The following MEMO1 variants were observed in gnomAD, a reference collection of about 807,000 sequenced individuals.
MEMO1 encodes the protein mediator of cell motility 1.
A neutral mutation model predicts 45.2 loss-of-function variants in MEMO1; 6 were observed. The observed-to-expected ratio is 0.13, with a 90% CI of 0.07 to 0.26. The LOEUF (loss-of-function observed/expected upper bound fraction) is 0.26. MEMO1 is among the 10% of genes least tolerant of loss of function. The pLI is 1.00. For synonymous variants in MEMO1, 78 were observed against 124.3 expected, an observed-to-expected ratio of 0.63 and a Z score of 2.48; for missense variants, 184 against 370.5, an observed-to-expected ratio of 0.50 and a Z score of 4.13.
At chr2:31,929,020 C>T in intron 4 of MEMO1, among the ~76,000 whole-genome samples, 1 of 151,992 alleles carries the variant, frequency 6.6e-6, no homozygotes, top group Non-Finnish European at 1.5e-5. Context: ...AAATTGCTTT[C>T]CTAAAGTATT....
intron 2 of MEMO1, among the ~76,000 whole-genome samples, chr2:31,949,516 T>C (rs1414248546): frequency 1.3e-5 from 2 of 151,878 alleles, no homozygotes; most frequent in Non-Finnish European, 2.9e-5. Context: ...AAACAATGCA[T>C]GTTCTCATTT....
intron 2 of MEMO1, among the ~76,000 whole-genome samples, chr2:32,006,145 G>A (rs1037970367): frequency 6.6e-6 from 1 of 152,210 alleles, no homozygotes; most frequent in African/African-American, 2.4e-5. Context: ...AAGATGGCAA[G>A]TTATGAGGGG....
chr2:31,985,474 C>T (rs758971817), intron 2 of MEMO1, among the ~76,000 whole-genome samples: 2 of 152,052 alleles, frequency 1.3e-5, no homozygotes, highest in South Asian at 2.1e-4. Context: ...TACAGGCGAG[C>T]GCCACCATGC....
At chr2:31,943,499 AG>A in intron 2 of MEMO1, 116 bp from the exon 3 acceptor site, 1 of 754,374 alleles carries the variant, frequency 1.3e-6, no homozygotes, top group Non-Finnish European at 2.4e-6. Context: ...AATGCGCAAT[AG>A]GATCATCAGT....
At chr2:31,982,329 T>C (rs1278694159) in intron 2 of MEMO1, among the ~76,000 whole-genome samples, 3 of 150,044 alleles carry the variant, frequency 2.0e-5, no homozygotes, top group Non-Finnish European at 4.4e-5. Context: ...CGGTGGCTCA[T>C]GCCTGTAATC....
intron 3 of MEMO1, among the ~76,000 whole-genome samples, chr2:31,941,641 G>GT (rs1665630097): frequency 6.6e-6 from 1 of 152,206 alleles, no homozygotes; most frequent in African/African-American, 2.4e-5. Flanking sequence ...GTCATTTGCT[G>GT]TAAGTTTTAT....
At chr2:31,982,151 G>C (rs1176778749) in intron 2 of MEMO1, among the ~76,000 whole-genome samples, 1 of 151,952 alleles carries the variant, frequency 6.6e-6, no homozygotes, top group African/African-American at 2.4e-5. Context: ...ACAAAAATTA[G>C]CTGGGCTTGG....
At chr2:31,912,110 G>C (rs1339429918) in intron 6 of MEMO1, among the ~76,000 whole-genome samples, 1 of 152,098 alleles carries the variant, frequency 6.6e-6, no homozygotes, top group Non-Finnish European at 1.5e-5. Context: ...GAGGGCGGGT[G>C]GATCACTTGA....
chr2:31,882,848 A>C (rs1167532500), intron 8 of MEMO1, among the ~76,000 whole-genome samples: 2 of 152,154 alleles, frequency 1.3e-5, no homozygotes, highest in African/African-American at 4.8e-5. Flanking sequence ...CCTCCAACAG[A>C]ATACAGATTT....
chr2:31,955,016 G>A (rs930164600), intron 2 of MEMO1, among the ~76,000 whole-genome samples: 10 of 151,838 alleles, frequency 6.6e-5, no homozygotes, highest in Non-Finnish European at 1.3e-4. Context: ...CAAAGAGGGA[G>A]GATCACTTGA....
At chr2:31,874,919 A>ATG (rs55829227) in intron 8 of MEMO1, among the ~76,000 whole-genome samples, 1 of 69,418 alleles carries the variant, frequency 1.4e-5, no homozygotes, top group Admixed American at 1.6e-4. Flanking sequence ...GCAAGTGTAC[A>ATG]TATATATATA....
intron 7 of MEMO1, 63 bp from the exon 8 acceptor site, chr2:31,883,525 G>T: frequency 8.3e-7 from 1 of 1,198,984 alleles, no homozygotes; most frequent in Non-Finnish European, 1.2e-6. Context: ...AAGAAAGCAA[G>T]CGCTTACCAA....
chr2:31,982,844 T>C (rs756346192), intron 2 of MEMO1, among the ~76,000 whole-genome samples: 24 of 151,778 alleles, frequency 1.6e-4, no homozygotes, highest in Non-Finnish European at 2.5e-4. Context: ...GGTTTCTCAA[T>C]GTTGAGGAGA....
chr2:31,937,582 A>G (rs1014787228), intron 3 of MEMO1, among the ~76,000 whole-genome samples: 2 of 152,214 alleles, frequency 1.3e-5, no homozygotes, highest in African/African-American at 4.8e-5. Flanking sequence ...TTTAGCATTT[A>G]CATTTTTTAA....
intron 2 of MEMO1, among the ~76,000 whole-genome samples, chr2:31,993,437 GC>G (rs1278425050): frequency 6.6e-6 from 1 of 152,154 alleles, no homozygotes; most frequent in Non-Finnish European, 1.5e-5. Flanking sequence ...CCAGAATTCT[GC>G]CAGAAGACAA....
In MEMO1 at chr2:31,997,922, C is replaced by T. The variant is rs367664141; in HGVS notation, c.61+12265G>A. Among the ~76,000 whole-genome samples the T allele has an allele frequency of 1.1e-4, 17 of 152,278 alleles. 1 individual carries two copies. Among genetic ancestry groups the T allele is most frequent in the South Asian group, 6.2e-4 (3 of 4,824 alleles). ...CCAGTAACACAGGAAATGGCTAAGA[C>T]GAGAATGGCTTAGACCAGACTTACA... On this transcript the variant is annotated intron_variant, in intron 2 of 9. Transcript: ENST00000404530.
intron 2 of MEMO1, among the ~76,000 whole-genome samples, chr2:31,950,800 A>C (rs1666764974): frequency 6.6e-6 from 1 of 152,186 alleles, no homozygotes; most frequent in Admixed American, 6.5e-5. Context: ...TCAGACAAAT[A>C]TATAATCCTT....
chr2:31,889,924 G>T (rs1033824058), intron 7 of MEMO1, among the ~76,000 whole-genome samples: 2 of 151,846 alleles, frequency 1.3e-5, no homozygotes, highest in African/African-American at 4.8e-5. Context: ...TAAAATTTTT[G>T]AGCTCTTTTT....
At chr2:31,901,925 C>T (rs965316262) in intron 6 of MEMO1, among the ~76,000 whole-genome samples, 6 of 150,320 alleles carry the variant, frequency 4.0e-5, no homozygotes, top group Non-Finnish European at 7.4e-5. Context: ...AAAAAAAGTT[C>T]TAAAACTAGA....
Sources: gnomAD v4.1 joint callset for allele counts (sites outside exome capture counted in the v4.1 genomes callset) on GRCh38, gnomAD v4.1.1 for gene constraint, MANE v1.5 for transcripts, NCBI Gene and HGNC (gene_info 2026-07-23, HGNC 2026-07-21) for gene names.